The following FAT3 variants were observed in gnomAD, a reference collection of about 807,000 sequenced individuals.
FAT3 encodes protocadherin Fat 3.
In FAT3, 95 loss-of-function variants were observed where a neutral mutation model predicts 310.2. That is an observed-to-expected ratio of 0.31 (90% confidence interval 0.26 to 0.36). The LOEUF (loss-of-function observed/expected upper bound fraction) is 0.36, where lower values mean the gene tolerates loss of function less well. Among genes scored for constraint, FAT3 ranks in the 10% least tolerant of loss-of-function variants. The pLI is 1.00. For synonymous variants in FAT3, 2,314 were observed against 2,192.9 expected (o/e 1.06, Z -1.54); for missense variants, 5,408 against 5,715.6 (o/e 0.95, Z 1.74).
chr11:92,368,291 A>ACTTGTT (rs1486579596), intron 2 of FAT3, among the ~76,000 whole-genome samples: 5 of 152,290 alleles, frequency 3.3e-5, no homozygotes, highest in African/African-American at 1.2e-4. Context: ...CAAAGTCACA[A>ACTTGTT]CTTGTTATTT....
At chr11:92,226,703 G>C (rs914149496) in intron 1 of FAT3, among the ~76,000 whole-genome samples, 1 of 152,052 alleles carries the variant, frequency 6.6e-6, no homozygotes, top group Non-Finnish European at 1.5e-5. Context: ...GGCCCGGAGC[G>C]TGGGCGGCCG....
chr11:92,821,838 A>G (rs924798068), intron 13 of FAT3, among the ~76,000 whole-genome samples: 2 of 152,088 alleles, frequency 1.3e-5, no homozygotes, highest in Non-Finnish European at 2.9e-5. Context: ...TTTACCTCCT[A>G]CCAGTGTTAG....
rs746259435 is a variant in FAT3, at chr11:92,866,929, G to T, written c.11847G>T (p.Thr3949=). The T allele has an allele frequency of 5.0e-6, 8 of 1,613,720 alleles. No homozygotes were observed. In the East Asian group the frequency reaches 1.8e-4, roughly 36 times the overall value. ...GCCGGGCGCCCCTCTACTTCCAGACGCTGAGCACTGAGAGTAGCATCTACT... is the reference window on the plus strand; with the variant it reads ...GCCGGGCGCCCCTCTACTTCCAGACTCTGAGCACTGAGAGTAGCATCTACT... ...ERRRAPLYFQ[T]LSTESSIYFG... is the part of the protein sequence containing the mutation. Residue 3949 remains threonine, a synonymous_variant, in exon 22 of 28, where the codon ACG becomes ACT. Transcript: ENST00000525166.
rs397941943 is a variant in FAT3, at chr11:92,593,442, C to CT, written c.3607+68506dup. ...CGTAACAGTTGTCACATGCCATTTT[C>CT]TTTTTTTTTTTTAATATTAGCCATC... On this transcript the variant is annotated intron_variant, in intron 3 of 27. Transcript: ENST00000525166. 2.8e-3 allele frequency among the ~76,000 whole-genome samples: 402 copies of CT among 142,390 alleles called. 1 individual carries two copies. The highest frequency in any genetic ancestry group is 0.011 in the South Asian group (50 of 4,494). The allele number at this position is 142,390 out of a possible 152,430, so 93.4% of individuals were successfully genotyped here.
chr11:92,307,987 T>C (rs528844237), intron 1 of FAT3, among the ~76,000 whole-genome samples: 1 of 152,306 alleles, frequency 6.6e-6, no homozygotes, highest in African/African-American at 2.4e-5. Flanking sequence ...TTTTTTTTCT[T>C]TTAACCAGAT....
intron 3 of FAT3, among the ~76,000 whole-genome samples, chr11:92,594,708 A>T (rs1939614484): frequency 6.6e-6 from 1 of 152,088 alleles, no homozygotes; most frequent in South Asian, 2.1e-4. Context: ...TTTATTAATT[A>T]TTCGTAACTC....
At chr11:92,504,963 A>G (rs1017597531) in intron 2 of FAT3, among the ~76,000 whole-genome samples, 2 of 152,018 alleles carry the variant, frequency 1.3e-5, no homozygotes, top group African/African-American at 4.8e-5. Flanking sequence ...TAAAGAAGGA[A>G]GTGTTCAGTT....
At chr11:92,473,918 A>G (rs1199477802) in intron 2 of FAT3, among the ~76,000 whole-genome samples, 1 of 152,306 alleles carries the variant, frequency 6.6e-6, no homozygotes, top group South Asian at 2.1e-4. Context: ...CGGCATTCCT[A>G]AGATCTGCTG....
chr11:92,738,745 A>C (rs896107748), intron 4 of FAT3, among the ~76,000 whole-genome samples: 4 of 152,224 alleles, frequency 2.6e-5, no homozygotes, highest in South Asian at 4.1e-4. Context: ...TGGATTTCAC[A>C]ACATGCTGAG....
chr11:92,853,269 C>A (rs1948880636), intron 19 of FAT3, among the ~76,000 whole-genome samples: 1 of 152,236 alleles, frequency 6.6e-6, no homozygotes. Context: ...CAGGTACCAG[C>A]TCTGTGTGAG....
intron 1 of FAT3, among the ~76,000 whole-genome samples, chr11:92,283,333 ATCAG>A (rs1316387732): frequency 6.6e-6 from 1 of 152,222 alleles, no homozygotes; most frequent in Non-Finnish European, 1.5e-5. Flanking sequence ...TATAAAGTTC[ATCAG>A]TCAAAGTTTT....
chr11:92,478,958 T>TTTCTTTCTTTC lies in FAT3; in HGVS notation c.3293-45674_3293-45673insCTTTCTTTCTT, dbSNP rs762531307. On this transcript the variant is annotated intron_variant, in intron 2 of 27. Coordinates refer to ENST00000525166, the MANE Select transcript of FAT3 (RefSeq NM_001367949.2). ...TCTCTTTCTTTCTTTCTTTCTTTTC[T>TTTCTTTCTTTC]TTTCTTTTCTTTTCTTTTCTTTTCT... 5.7e-3 allele frequency among the ~76,000 whole-genome samples: 651 copies of TTTCTTTCTTTC among 113,538 alleles called. 22 individuals are homozygous for TTTCTTTCTTTC. Among genetic ancestry groups the TTTCTTTCTTTC allele is most frequent in the South Asian group, 7.5e-3 (22 of 2,942 alleles). The allele number at this position is 113,538 out of a possible 152,430, so 74.5% of individuals were successfully genotyped here.
intron 3 of FAT3, among the ~76,000 whole-genome samples, chr11:92,600,509 A>G (rs938902736): frequency 1.3e-5 from 2 of 152,244 alleles, no homozygotes; most frequent in African/African-American, 4.8e-5. Context: ...GCTTCATAGA[A>G]TAAGAGCAAC....
chr11:92,755,478 C>T (rs1310896100), intron 4 of FAT3, among the ~76,000 whole-genome samples: 1 of 152,158 alleles, frequency 6.6e-6, no homozygotes, highest in African/African-American at 2.4e-5. Flanking sequence ...CCTGCCTTCA[C>T]CTCCCAAAGT....
intron 12 of FAT3, among the ~76,000 whole-genome samples, chr11:92,807,111 G>C (rs1361612671): frequency 6.6e-6 from 1 of 152,112 alleles, no homozygotes; most frequent in Non-Finnish European, 1.5e-5. Context: ...GTTATTTGAT[G>C]AGATTTCTAT....
chr11:92,464,282 G>A (rs1340960057), intron 2 of FAT3, among the ~76,000 whole-genome samples: 2 of 152,190 alleles, frequency 1.3e-5, no homozygotes, highest in Non-Finnish European at 2.9e-5. Context: ...GCCTCCTTGT[G>A]TATTCTAATT....
chr11:92,655,610 G>A (rs1162344171), intron 3 of FAT3, among the ~76,000 whole-genome samples: 1 of 151,938 alleles, frequency 6.6e-6, no homozygotes, highest in African/African-American at 2.4e-5. Flanking sequence ...CTGACTCTTT[G>A]TGCTTGGTTC....
In FAT3 at chr11:92,442,081, T is replaced by TTATATATATATATA. The variant is rs869247397; in HGVS notation, c.3293-82535_3293-82522dup. Reference sequence around the variant, plus strand: ...GTGCAAAACTTAAGAAATATATATTTTATATATATATATATATATATATAT... The same window carrying TTATATATATATATA: ...GTGCAAAACTTAAGAAATATATATTTTATATATATATATATATATATATATATATATATATATAT... On this transcript the variant is annotated intron_variant, in intron 2 of 27. Coordinates refer to ENST00000525166, the MANE Select transcript of FAT3 (RefSeq NM_001367949.2). 1.9e-4 allele frequency among the ~76,000 whole-genome samples: 13 copies of TTATATATATATATA among 69,990 alleles called. 1 individual carries two copies. Among genetic ancestry groups the TTATATATATATATA allele is most frequent in the African/African-American group, 1.1e-3 (13 of 12,150 alleles). 45.9% of individuals were successfully genotyped at this position (69,990 alleles called of 152,430 possible).
In FAT3 at chr11:92,896,434, T is replaced by C. The variant is rs969996024; in HGVS notation, c.*5321T>C. 1.3e-5 allele frequency: 2 copies of C among 151,660 alleles called. No individual in the cohort carries two copies. The highest frequency in any genetic ancestry group is 4.8e-5 in the African/African-American group (2 of 41,352). The allele number at this position is 151,660 out of a possible 1,614,324, so 9.4% of individuals were successfully genotyped here. On this transcript the variant is annotated 3_prime_UTR_variant, in exon 28 of 28. Coordinates refer to ENST00000525166, the MANE Select transcript of FAT3 (RefSeq NM_001367949.2). ...GTTTGTAACTGCCAAAATTTGATGG[T>C]TAAAACAAGTTTTCAAGTAAAAAGA...
Sources: gnomAD v4.1 joint callset for allele counts (sites outside exome capture counted in the v4.1 genomes callset) on GRCh38, gnomAD v4.1.1 for gene constraint, MANE v1.5 for transcripts, NCBI Gene and HGNC (gene_info 2026-07-23, HGNC 2026-07-21) for gene names.